Variants in GALNT13 observed in about 807,000 individuals in gnomAD.
GALNT13 encodes the protein UDP-GalNAc:polypeptide N-acetylgalactosaminyltransferase 13.
A neutral mutation model predicts 64.2 loss-of-function variants in GALNT13; 28 were observed. The observed-to-expected ratio is 0.44, with a 90% CI of 0.32 to 0.60. The LOEUF is 0.60. Among genes scored for constraint, GALNT13 ranks in the 20% least tolerant of loss-of-function variants. The pLI is 0.05. For synonymous variants in GALNT13, 214 were observed against 224.6 expected (o/e 0.95, Z 0.42); for missense variants, 577 against 669.8 (o/e 0.86, Z 1.53).
At chr2:154,226,077 T>C (rs767452954) in intron 4 of GALNT13, among the ~76,000 whole-genome samples, 118 of 152,116 alleles carry the variant, frequency 7.8e-4, no homozygotes, top group Non-Finnish European at 1.5e-3. Flanking sequence ...CTGTTTATTA[T>C]GACCCACCTT....
At chr2:153,199,373 C>T in the GALNT13 span, among the ~76,000 whole-genome samples, 4 of 152,196 alleles carry the variant, frequency 2.6e-5, no homozygotes, top group African/African-American at 7.2e-5. Flanking sequence ...TCACTCATCC[C>T]GGTTCTGACT....
chr2:153,584,987 G>C, the GALNT13 span, among the ~76,000 whole-genome samples: 1 of 152,172 alleles, frequency 6.6e-6, no homozygotes, highest in African/African-American at 2.4e-5. Flanking sequence ...AGCACCTGTT[G>C]CTACAAATTC....
At chr2:154,147,430 G>A (rs993158728) in intron 4 of GALNT13, among the ~76,000 whole-genome samples, 20 of 149,452 alleles carry the variant, frequency 1.3e-4, no homozygotes, top group Admixed American at 2.0e-4. Flanking sequence ...TGTGAATTTA[G>A]AAGTGCCATT....
the GALNT13 span, among the ~76,000 whole-genome samples, chr2:153,492,484 G>A: frequency 2.0e-5 from 3 of 152,110 alleles, no homozygotes; most frequent in African/African-American, 7.2e-5. Context: ...GAGTGCAAGC[G>A]GTCTACATAA....
chr2:153,277,917 TC>T, the GALNT13 span, among the ~76,000 whole-genome samples: 113 of 79,196 alleles, frequency 1.4e-3, no homozygotes, highest in Non-Finnish European at 2.5e-3. Context: ...TCTTTTGTTT[TC>T]TTTTCTTTCT....
At chr2:154,187,874 C>T (rs976995473) in intron 4 of GALNT13, among the ~76,000 whole-genome samples, 21 of 152,018 alleles carry the variant, frequency 1.4e-4, no homozygotes, top group Non-Finnish European at 2.9e-4. Context: ...GACAGAAATG[C>T]AAACCCTACT....
the GALNT13 span, among the ~76,000 whole-genome samples, chr2:153,612,222 T>C: frequency 6.6e-6 from 1 of 152,110 alleles, no homozygotes; most frequent in Non-Finnish European, 1.5e-5. Context: ...GAAATAGGAA[T>C]GTTTTACACT....
At chr2:153,607,499 G>C in the GALNT13 span, among the ~76,000 whole-genome samples, 4 of 152,094 alleles carry the variant, frequency 2.6e-5, no homozygotes, top group Non-Finnish European at 5.9e-5. Flanking sequence ...TGTCAGTAAA[G>C]GGAGGAAGTA....
chr2:153,193,921 C>G, the GALNT13 span, among the ~76,000 whole-genome samples: 1 of 152,048 alleles, frequency 6.6e-6, no homozygotes, highest in Non-Finnish European at 1.5e-5. Context: ...ATATATTATG[C>G]CATTTTTTTT....
chr2:153,510,829 G>A, the GALNT13 span, among the ~76,000 whole-genome samples: 1 of 152,000 alleles, frequency 6.6e-6, no homozygotes, highest in Non-Finnish European at 1.5e-5. Flanking sequence ...AAGCAGACAG[G>A]AGAGCCGTGG....
chr2:154,316,144 G>A (rs557269037), intron 9 of GALNT13, among the ~76,000 whole-genome samples: 14 of 151,974 alleles, frequency 9.2e-5, no homozygotes, highest in South Asian at 2.1e-4. Context: ...AATTTATATC[G>A]TTGAAAATAA....
At chr2:153,154,462 C>T in the GALNT13 span, among the ~76,000 whole-genome samples, 298 of 152,200 alleles carry the variant, frequency 2.0e-3, 1 homozygote, top group African/African-American at 6.8e-3. Flanking sequence ...TACGAATACA[C>T]CTCCCTAGTT....
At chr2:154,079,760 C>CA in intron 3 of GALNT13, among the ~76,000 whole-genome samples, 1 of 151,596 alleles carries the variant, frequency 6.6e-6, no homozygotes, top group Admixed American at 6.6e-5. Flanking sequence ...TTTTGAAATA[C>CA]AAAAAATAAC....
the GALNT13 span, among the ~76,000 whole-genome samples, chr2:153,863,642 C>G: frequency 6.6e-6 from 1 of 152,092 alleles, no homozygotes; most frequent in East Asian, 1.9e-4. Context: ...GTATTAGATA[C>G]TTAAACATGA....
chr2:154,449,311 T>C (rs1307799237), intron 12 of GALNT13, among the ~76,000 whole-genome samples: 1 of 151,762 alleles, frequency 6.6e-6, no homozygotes, highest in Non-Finnish European at 1.5e-5. Context: ...CAGTCCACGA[T>C]GTTTTCAGTC....
chr2:153,400,405 G>T, the GALNT13 span, among the ~76,000 whole-genome samples: 2 of 152,114 alleles, frequency 1.3e-5, no homozygotes, highest in Non-Finnish European at 2.9e-5. Flanking sequence ...TTGTGCCTTT[G>T]CCTGGCTTTG....
the GALNT13 span, among the ~76,000 whole-genome samples, chr2:153,379,454 A>G: frequency 6.6e-6 from 1 of 152,168 alleles, no homozygotes; most frequent in South Asian, 2.1e-4. Flanking sequence ...AGGCTCCTTT[A>G]GGGAAATTAA....
chr2:153,988,071 TATAC>T lies in GALNT13; in HGVS notation c.142+43434_142+43437del, dbSNP rs1434110089. Among the ~76,000 whole-genome samples the T allele has an allele frequency of 5.7e-3, 815 of 143,704 alleles. 7 individuals carry two copies. The highest frequency in any genetic ancestry group is 0.017 in the African/African-American group (680 of 40,174). 94.3% of individuals were successfully genotyped at this position (143,704 alleles called of 152,430 possible). ...GTAGGAGGTGACATATATATATATATATACACACACACACACACACACACACACA... is the reference window on the plus strand; with the variant it reads ...GTAGGAGGTGACATATATATATATATACACACACACACACACACACACACA... On this transcript the variant is annotated intron_variant, in intron 3 of 12. Coordinates refer to ENST00000392825, the MANE Select transcript of GALNT13 (RefSeq NM_052917.4).
chr2:153,822,395 G>T, the GALNT13 span, among the ~76,000 whole-genome samples: 1 of 152,028 alleles, frequency 6.6e-6, no homozygotes, highest in Non-Finnish European at 1.5e-5. Context: ...AATAAAGTAG[G>T]CTTTATTCTG....
Sources: allele counts gnomAD v4.1 joint callset (sites outside exome capture counted in the v4.1 genomes callset), GRCh38; gene constraint gnomAD v4.1.1; transcripts MANE v1.5; gene names NCBI Gene and HGNC (gene_info 2026-07-23, HGNC 2026-07-21).